Variants in VPS13B observed in about 807,000 individuals in gnomAD.
The protein encoded by VPS13B is intermembrane lipid transfer protein VPS13B.
Under a neutral mutation model 426.4 loss-of-function variants are expected in VPS13B, and 285 were observed. That is an observed-to-expected ratio of 0.67 (90% confidence interval 0.61 to 0.74). The LOEUF (loss-of-function observed/expected upper bound fraction) is 0.74. Ranked by LOEUF, VPS13B falls within the 30% of genes least tolerant of loss-of-function variation. The pLI, the probability that VPS13B is intolerant of heterozygous loss-of-function variation, is 0.00. For synonymous variants in VPS13B, 1,676 were observed against 1,676.4 expected (o/e 1.00, Z 0.01); for missense variants, 4,537 against 4,782.6 (o/e 0.95, Z 1.51).
intron 19 of VPS13B, among the ~76,000 whole-genome samples, chr8:99,287,572 A>G (rs1209662347): frequency 6.6e-6 from 1 of 152,146 alleles, no homozygotes; most frequent in African/African-American, 2.4e-5. Context: ...AAAATCTAAA[A>G]TATTGTGAAA....
chr8:99,079,523 A>T (rs911009757), intron 3 of VPS13B, among the ~76,000 whole-genome samples: 1 of 152,206 alleles, frequency 6.6e-6, no homozygotes, highest in African/African-American at 2.4e-5. Flanking sequence ...TAACTGCTGT[A>T]TAGTATAGTG....
At chr8:99,833,765 A>G (rs901389794) in intron 52 of VPS13B, among the ~76,000 whole-genome samples, 1 of 152,260 alleles carries the variant, frequency 6.6e-6, no homozygotes, top group African/African-American at 2.4e-5. Context: ...TCTGATAATT[A>G]CAGTATAATT....
intron 21 of VPS13B, among the ~76,000 whole-genome samples, chr8:99,404,424 A>G (rs1815221241): frequency 6.6e-6 from 1 of 152,190 alleles, no homozygotes; most frequent in African/African-American, 2.4e-5. Context: ...TTGGCTCAGC[A>G]TGAGATGCAA....
At chr8:99,159,252 A>G (rs1163146832) in intron 15 of VPS13B, among the ~76,000 whole-genome samples, 1 of 152,198 alleles carries the variant, frequency 6.6e-6, no homozygotes, top group African/African-American at 2.4e-5. Flanking sequence ...CTTCTTATGG[A>G]TGAGCAAAGA....
rs1843005717 is a variant in VPS13B, at chr8:99,042,500, C to T, written c.291+3934C>T. On this transcript the variant is annotated intron_variant, in intron 3 of 61. Transcript: ENST00000357162. ...CTAAGGTGATTTTATCCTTTTATCTCATGTACCTACAGGTTTAGCTAGATT... is the reference window on the plus strand; with the variant it reads ...CTAAGGTGATTTTATCCTTTTATCTTATGTACCTACAGGTTTAGCTAGATT... 2.0e-5 allele frequency among the ~76,000 whole-genome samples: 3 copies of T among 152,124 alleles called. No individual in the cohort carries two copies. The East Asian group carries it at 5.8e-4, about 29-fold the overall frequency.
intron 42 of VPS13B, among the ~76,000 whole-genome samples, chr8:99,781,882 G>A (rs553157582): frequency 5.9e-5 from 9 of 152,110 alleles, no homozygotes; most frequent in South Asian, 4.2e-4. Flanking sequence ...GTCTGTACTC[G>A]CACTGAAAGG....
chr8:99,798,810 T>G (rs1812990800), intron 43 of VPS13B, among the ~76,000 whole-genome samples: 1 of 152,238 alleles, frequency 6.6e-6, no homozygotes. Context: ...ATGTAAATTC[T>G]TGATGTCTAA....
chr8:99,598,608 G>A (rs756990953), intron 33 of VPS13B, among the ~76,000 whole-genome samples: 10 of 152,012 alleles, frequency 6.6e-5, no homozygotes, highest in Non-Finnish European at 1.0e-4. Context: ...GTTTTTAGGG[G>A]CAAAGAATAG....
At chr8:99,629,549 G>C (rs1828753183) in intron 33 of VPS13B, among the ~76,000 whole-genome samples, 1 of 152,186 alleles carries the variant, frequency 6.6e-6, no homozygotes, top group Non-Finnish European at 1.5e-5. Flanking sequence ...TAAAGAGAAG[G>C]CCTCTCGGAG....
In VPS13B at chr8:99,853,767, CAG is replaced by C. The variant is rs180177371; in HGVS notation, c.10381_10382del (p.Leu3462ProfsTer24). On this transcript the variant is annotated frameshift_variant, in exon 56 of 62. Coordinates refer to ENST00000357162, the MANE Select transcript of VPS13B (RefSeq NM_152564.5). LOFTEE classifies it high-confidence loss of function. ...KAEPIQCSKM[Q>X]SLLISNKELE... ...AGAACCCATTCAGTGTTCCAAAATG[CAG>C]AGTCTCCTCATATCCAACAAAGAGT... The C allele has an allele frequency of 2.5e-6, 4 of 1,614,224 alleles. No individual in the cohort carries two copies. Among genetic ancestry groups the C allele is most frequent in the South Asian group, 1.1e-5 (1 of 91,074 alleles).
At position 99,818,519 on chromosome 8, in the gene VPS13B, A is replaced by G; in HGVS notation, c.8430A>G (p.Gln2810=). ...TTTTGACTTTAGAACCCAACTCTCA[A>G]GTGCAACAACGAATGGTGAGTGCTT... ...CTVLTLEPNS[Q]VQQRMIVFSP... The change falls in exon 46 of 62, where the codon CAA becomes CAG. Residue 2810 remains glutamine (Q), a synonymous_variant. Coordinates refer to ENST00000357162, the MANE Select transcript of VPS13B (RefSeq NM_152564.5). 1 of 1,614,092 alleles carries G rather than the reference A, an allele frequency of 6.2e-7. No individual in the cohort carries two copies. Among genetic ancestry groups the G allele is most frequent in the South Asian group, 1.1e-5 (1 of 91,078 alleles).
At chr8:99,030,910 T>G (rs932601147) in intron 2 of VPS13B, among the ~76,000 whole-genome samples, 1 of 152,248 alleles carries the variant, frequency 6.6e-6, no homozygotes, top group African/African-American at 2.4e-5. Flanking sequence ...CTTTCTTAAA[T>G]GTACATATAA....
chr8:99,178,164 T>A lies in VPS13B; in HGVS notation c.2333+8001T>A, dbSNP rs539022982. 7.5e-4 allele frequency among the ~76,000 whole-genome samples: 114 copies of A among 152,062 alleles called. 1 individual carries two copies. Among genetic ancestry groups the A allele is most frequent in the African/African-American group, 1.5e-3 (63 of 41,558 alleles). On this transcript the variant is annotated intron_variant, in intron 16 of 61. Transcript: ENST00000357162. ...TTCTTTTTATTTTTTATTTTATTTTTTTTTTATTATACTCTAAGTTTTAGG... is the reference window on the plus strand; with the variant it reads ...TTCTTTTTATTTTTTATTTTATTTTATTTTTATTATACTCTAAGTTTTAGG...
At chr8:99,844,733 T>C (rs190339861) in intron 54 of VPS13B, among the ~76,000 whole-genome samples, 59 of 152,252 alleles carry the variant, frequency 3.9e-4, no homozygotes, top group Middle Eastern at 3.4e-3. Context: ...TATCATCACA[T>C]TGGGGGGCTA....
intron 19 of VPS13B, among the ~76,000 whole-genome samples, chr8:99,332,043 C>T (rs1180339570): frequency 6.6e-6 from 1 of 151,660 alleles, no homozygotes; most frequent in African/African-American, 2.4e-5. Flanking sequence ...AGTTTGGCTG[C>T]TCCAGAAACG....
At chr8:99,192,045 A>G (rs1401803026) in intron 16 of VPS13B, among the ~76,000 whole-genome samples, 4 of 152,046 alleles carry the variant, frequency 2.6e-5, no homozygotes, top group Non-Finnish European at 5.9e-5. Context: ...ATTTTTTTTA[A>G]TCTATTTTTG....
chr8:99,794,508 T>C (rs936613061), intron 43 of VPS13B, among the ~76,000 whole-genome samples: 6 of 152,200 alleles, frequency 3.9e-5, no homozygotes, highest in African/African-American at 1.4e-4. Flanking sequence ...TCAGTATTAC[T>C]CCTGCTTAGA....
chr8:99,336,585 A>G (rs1810886898), intron 19 of VPS13B, among the ~76,000 whole-genome samples: 1 of 152,196 alleles, frequency 6.6e-6, no homozygotes, highest in Admixed American at 6.5e-5. Context: ...AACCTACAAA[A>G]TGGGAAAAAA....
intron 21 of VPS13B, among the ~76,000 whole-genome samples, chr8:99,409,956 T>C (rs574989158): frequency 2.0e-5 from 3 of 152,174 alleles, no homozygotes; most frequent in Non-Finnish European, 4.4e-5. Context: ...TTCTCACTTA[T>C]AAGTTTGAGC....
Sources: gnomAD v4.1 joint callset for allele counts (sites outside exome capture counted in the v4.1 genomes callset) on GRCh38, gnomAD v4.1.1 for gene constraint, MANE v1.5 for transcripts, NCBI Gene and HGNC (gene_info 2026-07-23, HGNC 2026-07-21) for gene names.